Variants in CACNA1I observed in about 807,000 individuals in gnomAD.
The protein encoded by CACNA1I is voltage-dependent T-type calcium channel subunit alpha-1I.
In CACNA1I, 74 loss-of-function variants were observed where a neutral mutation model predicts 201.6. The observed-to-expected ratio is 0.37, with a 90% CI of 0.30 to 0.45. The LOEUF is 0.45. Ranked by LOEUF, CACNA1I falls within the 20% of genes least tolerant of loss-of-function variation. The probability of loss-of-function intolerance (pLI) is 1.00; values close to 1 mark genes in which losing one functional copy is unlikely to be tolerated. For missense variants in CACNA1I, 2,346 were observed against 3,138.1 expected, an observed-to-expected ratio of 0.75 and a Z score of 6.03; for synonymous variants, 1,431 against 1,345.2, an observed-to-expected ratio of 1.06 and a Z score of -1.40.
intron 27 of CACNA1I, 45 bp downstream of exon 27, chr22:39,672,353 G>A (rs986804510): frequency 2.2e-5 from 28 of 1,273,088 alleles, no homozygotes; most frequent in Non-Finnish European, 3.2e-5. Flanking sequence ...GTAGACTGCA[G>A]GATGAAGAAG....
At position 39,661,962 on chromosome 22, in the gene CACNA1I, C is replaced by T; in HGVS notation, c.2902-3C>T. 6.6e-7 allele frequency: 1 copy of T among 1,516,726 alleles called. No individual in the cohort carries two copies. The highest frequency in any genetic ancestry group is 8.8e-7 in the Non-Finnish European group (1 of 1,137,134). 94.0% of individuals were successfully genotyped at this position (1,516,726 alleles called of 1,614,324 possible). A position where few individuals can be genotyped will look rare whatever the true frequency, so the allele number is the denominator to read the frequency against. The stretch of plus-strand genomic sequence containing the variant: ...CGCTGACCCGAACGGGAACTCCTTC[C>T]AGTCCAGCTCCCGGAGCTCCTACTA... On this transcript the variant is annotated splice_region_variant and splice_polypyrimidine_tract_variant and intron_variant, in intron 16 of 36. Coordinates refer to ENST00000402142, the MANE Select transcript of CACNA1I (RefSeq NM_021096.4).
At chr22:39,678,272 G>A (rs1434932155) in intron 31 of CACNA1I, among the ~76,000 whole-genome samples, 164 bp downstream of exon 31, 1 of 152,204 alleles carries the variant, frequency 6.6e-6, no homozygotes, top group Non-Finnish European at 1.5e-5. Context: ...AGCACAGTGG[G>A]GAGAGCTGAG....
chr22:39,624,840 A>T (rs112761530), intron 4 of CACNA1I, among the ~76,000 whole-genome samples: 188 of 151,712 alleles, frequency 1.2e-3, no homozygotes, highest in African/African-American at 4.3e-3. Flanking sequence ...TCTTTTTTTT[A>T]AAATATGATT....
chr22:39,575,017 G>A (rs1932299023), intron 1 of CACNA1I, among the ~76,000 whole-genome samples: 2 of 152,248 alleles, frequency 1.3e-5, no homozygotes, highest in African/African-American at 4.8e-5. Flanking sequence ...AGGCTGCTGG[G>A]ACCCTTGTGG....
chr22:39,649,871 CATG>C lies in CACNA1I; in HGVS notation c.1942_1944del (p.Met648del), dbSNP rs758740315. 1 of 1,613,572 alleles carries C rather than the reference CATG, an allele frequency of 6.2e-7. No homozygotes were observed. The highest frequency in any genetic ancestry group is 2.2e-5 in the East Asian group (1 of 44,862). On this transcript the variant is annotated inframe_deletion, in exon 10 of 37. Transcript: ENST00000402142. The surrounding 1 kb of genome is among the most constrained non-coding windows in gnomAD (Gnocchi z 7.3). ...ACAGCAAGTACTTCAACCGGGGCAT[CATG>C]ATGGCCATCCTGGTCAACACCGTCA...
intron 10 of CACNA1I, among the ~76,000 whole-genome samples, chr22:39,652,925 A>G (rs1285192308): frequency 6.6e-6 from 1 of 152,220 alleles, no homozygotes; most frequent in African/African-American, 2.4e-5. Context: ...AAAAATTCCA[A>G]ATCAGCCAAA....
Position 39,649,821 on chromosome 22 carries a change from C to T in CACNA1I, c.1888C>T (p.Arg630Ter), listed in dbSNP as rs766708416. 7 of 1,612,292 alleles carry T rather than the reference C, an allele frequency of 4.3e-6. No individual in the cohort carries two copies. The Admixed American group carries it at 8.4e-5, about 19-fold the overall frequency. The change falls in exon 10 of 37, where the codon CGA becomes TGA. Residue 630 changes from arginine to a stop codon, truncating the protein, a stop_gained. Coordinates refer to ENST00000402142, the MANE Select transcript of CACNA1I (RefSeq NM_021096.4). LOFTEE classifies it high-confidence loss of function. The surrounding 1 kb of genome is among the most constrained non-coding windows in gnomAD (Gnocchi z 7.3). ...WLCGDVWRET[R>*]AKLRGIVDSK... Reference sequence around the variant, plus strand: ...GTGCGGGGATGTGTGGCGGGAGACGCGAGCCAAGCTGCGCGGCATCGTGGA... The same window carrying T: ...GTGCGGGGATGTGTGGCGGGAGACGTGAGCCAAGCTGCGCGGCATCGTGGA...
In CACNA1I at chr22:39,672,878, C is replaced by A. The variant is rs540860704; in HGVS notation, c.4650-71C>A. The A allele has an allele frequency of 6.4e-5, 96 of 1,507,882 alleles. 1 individual carries two copies. The highest frequency in any genetic ancestry group is 7.8e-5 in the Non-Finnish European group (87 of 1,117,756). 93.4% of individuals were successfully genotyped at this position (1,507,882 alleles called of 1,614,324 possible). On this transcript the variant is annotated intron_variant, in intron 27 of 36. Coordinates refer to ENST00000402142, the MANE Select transcript of CACNA1I (RefSeq NM_021096.4). Reference sequence around the variant, plus strand: ...GGGTCAGGACCTGGGAGGCTCCCCCCACTAAGGTGTGTCTGAACCAGAGGG... The same window carrying A: ...GGGTCAGGACCTGGGAGGCTCCCCCAACTAAGGTGTGTCTGAACCAGAGGG...
intron 1 of CACNA1I, among the ~76,000 whole-genome samples, chr22:39,586,768 C>T (rs1348883808): frequency 1.3e-5 from 2 of 152,166 alleles, no homozygotes; most frequent in African/African-American, 2.4e-5. Context: ...GACAGGTCCC[C>T]AGGGAGGCTG....
rs757360011 is a variant in CACNA1I at position 39,682,703 on chromosome 22, T to C, written c.5830+42T>C. ...CTGCCAGCTCCCCACAGCCCTCATC[T>C]TGGGCATCTGCTTCAGAGGGAGATG... On this transcript the variant is annotated intron_variant, in intron 35 of 36. Coordinates refer to ENST00000402142, the MANE Select transcript of CACNA1I (RefSeq NM_021096.4). 40 of 1,568,544 alleles carry C rather than the reference T, an allele frequency of 2.6e-5. No individual in the cohort carries two copies. The Admixed American group carries it at 7.0e-4, about 28-fold the overall frequency.
chr22:39,680,800 C>A, intron 33 of CACNA1I, 130 bp from the exon 34 acceptor site: 1 of 954,906 alleles, frequency 1.0e-6, no homozygotes, highest in Non-Finnish European at 1.5e-6. Flanking sequence ...CCGTGTCCAG[C>A]AGGTGTCTGG....
intron 10 of CACNA1I, among the ~76,000 whole-genome samples, chr22:39,654,757 C>A (rs1934762091): frequency 6.6e-6 from 1 of 152,120 alleles, no homozygotes; most frequent in Admixed American, 6.5e-5. Context: ...AGGAGTTCAT[C>A]AGCGAGACAG....
chr22:39,603,427 T>C (rs1933124679), intron 3 of CACNA1I, among the ~76,000 whole-genome samples: 1 of 152,206 alleles, frequency 6.6e-6, no homozygotes, highest in Non-Finnish European at 1.5e-5. Flanking sequence ...ATAATTCATT[T>C]CCTCAGTGTC....
chr22:39,681,331 C>T lies in CACNA1I; in HGVS notation c.5664+279C>T, dbSNP rs9623042. Among the ~76,000 whole-genome samples the T allele has an allele frequency of 5.3e-3, 807 of 152,304 alleles. 7 individuals are homozygous for T. Among genetic ancestry groups the T allele is most frequent in the African/African-American group, 0.018 (763 of 41,562 alleles). ...TTTGAGTATTTTCTGGTCCATTCCA[C>T]GGGGGGTCATCCCTGGCCGGCGGGG... On this transcript the variant is annotated intron_variant, in intron 34 of 36. Transcript: ENST00000402142.
chr22:39,616,409 G>C (rs1201214021), intron 3 of CACNA1I, among the ~76,000 whole-genome samples: 1 of 152,128 alleles, frequency 6.6e-6, no homozygotes. Context: ...ATCTCATTGA[G>C]GACCCTGGGA....
At chr22:39,614,391 C>A (rs931952046) in intron 3 of CACNA1I, among the ~76,000 whole-genome samples, 2 of 152,204 alleles carry the variant, frequency 1.3e-5, no homozygotes, top group African/African-American at 4.8e-5. Flanking sequence ...GGTCAGGGAT[C>A]TGGGCTCAGC....
chr22:39,590,605 C>G (rs1216539567), intron 1 of CACNA1I, among the ~76,000 whole-genome samples: 3 of 152,228 alleles, frequency 2.0e-5, no homozygotes, highest in African/African-American at 7.2e-5. Context: ...ACATCGCAGA[C>G]ACTGAACCAG....
intron 32 of CACNA1I, 42 bp downstream of exon 32, chr22:39,679,487 G>T (rs1362123288): frequency 3.8e-6 from 5 of 1,313,638 alleles, no homozygotes; most frequent in Non-Finnish European, 4.0e-6. Context: ...CCAGAGGGGG[G>T]GCACCGCAGG....
chr22:39,662,228 G>C lies in CACNA1I; in HGVS notation c.3165G>C (p.Arg1055=). ...HLAHRHRHHR[R]TLSLDNRDSV... ...CGCACCGCCACCGCCACCACCGCCGGACGCTGTCCCTCGACAACAGGGACT... is the reference window on the plus strand; with the variant it reads ...CGCACCGCCACCGCCACCACCGCCGCACGCTGTCCCTCGACAACAGGGACT... Residue 1055 remains arginine (R), a synonymous_variant, in exon 17 of 37, where the codon CGG becomes CGC. Coordinates refer to ENST00000402142, the MANE Select transcript of CACNA1I (RefSeq NM_021096.4). 6.5e-7 allele frequency: 1 copy of C among 1,529,146 alleles called. No homozygotes were observed. Among genetic ancestry groups the C allele is most frequent in the Non-Finnish European group, 8.8e-7 (1 of 1,142,086 alleles). The allele number at this position is 1,529,146 out of a possible 1,614,324, so 94.7% of individuals were successfully genotyped here. A position where few individuals can be genotyped will look rare whatever the true frequency, so the allele number is the denominator to read the frequency against.
Sources: gnomAD v4.1 joint callset for allele counts (sites outside exome capture counted in the v4.1 genomes callset) on GRCh38, gnomAD v4.1.1 for gene constraint, Gnocchi (gnomAD v3.1) non-coding constraint, MANE v1.5 for transcripts, NCBI Gene and HGNC (gene_info 2026-07-23, HGNC 2026-07-21) for gene names.